Variants in UNC79 observed in about 807,000 individuals in gnomAD.
UNC79 encodes the protein unc-79 subunit of NALCN channel complex.
In UNC79, 37 loss-of-function variants were observed where a neutral mutation model predicts 283.1. That is an observed-to-expected ratio of 0.13 (90% CI 0.10 to 0.17). The LOEUF (loss-of-function observed/expected upper bound fraction) is 0.17. UNC79 is among the 10% of genes least tolerant of loss of function. UNC79 has a pLI of 1.00. For missense variants in UNC79, 2,272 were observed against 3,211.1 expected, an observed-to-expected ratio of 0.71 and a Z score of 7.07; for synonymous variants, 1,107 against 1,200.2, an observed-to-expected ratio of 0.92 and a Z score of 1.61.
intron 22 of UNC79, among the ~76,000 whole-genome samples, chr14:93,589,118 T>G (rs2064464327): frequency 6.6e-6 from 1 of 152,028 alleles, no homozygotes; most frequent in Non-Finnish European, 1.5e-5. Context: ...AACCAAAGAA[T>G]CACCAGCTTT....
Position 93,706,669 on chromosome 14 carries a change from G to T in UNC79, c.7591-35G>T, listed in dbSNP as rs371029025. On this transcript the variant is annotated intron_variant, in intron 48 of 48. Transcript: ENST00000555664. The stretch of plus-strand genomic sequence containing the variant: ...ACACTCCCTGGGTTGCCCGTGAAAA[G>T]AAATAAACTAAAACCTCTTGCCCTT... 17 of 1,611,620 alleles carry T rather than the reference G, an allele frequency of 1.1e-5. No individual in the cohort carries two copies. The African/African-American group carries it at 1.3e-4, about 13-fold the overall frequency.
At chr14:93,657,499 C>G (rs990530517) in intron 38 of UNC79, among the ~76,000 whole-genome samples, 7 of 142,012 alleles carry the variant, frequency 4.9e-5, no homozygotes, top group African/African-American at 1.9e-4. Flanking sequence ...CTACAGGCGC[C>G]CACCACCATG....
intron 35 of UNC79, among the ~76,000 whole-genome samples, chr14:93,651,784 G>T (rs2070290784): frequency 6.6e-6 from 1 of 151,930 alleles, no homozygotes; most frequent in African/African-American, 2.4e-5. Context: ...TTGTTGCCCA[G>T]GCTGGAATGC....
intron 12 of UNC79, among the ~76,000 whole-genome samples, chr14:93,539,467 G>A (rs2061269241): frequency 1.3e-5 from 2 of 151,606 alleles, no homozygotes; most frequent in Admixed American, 6.6e-5. Flanking sequence ...GTTGCAGTGA[G>A]CTGAGATTGC....
At chr14:93,614,090 A>G (rs898830555) in intron 27 of UNC79, among the ~76,000 whole-genome samples, 2 of 151,664 alleles carry the variant, frequency 1.3e-5, no homozygotes, top group African/African-American at 2.4e-5. Flanking sequence ...TCAAGGGAGC[A>G]TGGGAGATTT....
intron 1 of UNC79, among the ~76,000 whole-genome samples, chr14:93,348,808 G>T (rs1382047997): frequency 6.6e-6 from 1 of 152,134 alleles, no homozygotes; most frequent in Admixed American, 6.5e-5. Context: ...TCTCTGTAAT[G>T]GGGACTTAAA....
intron 41 of UNC79, among the ~76,000 whole-genome samples, chr14:93,680,767 C>T (rs1390753308): frequency 6.6e-6 from 1 of 152,066 alleles, no homozygotes. Context: ...TAATTTCCAC[C>T]TCAGCCTCCC....
At chr14:93,367,373 G>C (rs542349716) in intron 1 of UNC79, among the ~76,000 whole-genome samples, 18 of 152,288 alleles carry the variant, frequency 1.2e-4, no homozygotes, top group African/African-American at 4.1e-4. Flanking sequence ...GGTAAAAGTG[G>C]ATGGTAGCCA....
chr14:93,673,917 A>G (rs1458823384), intron 41 of UNC79, among the ~76,000 whole-genome samples: 1 of 152,158 alleles, frequency 6.6e-6, no homozygotes, highest in East Asian at 1.9e-4. Context: ...AAATGGCAGG[A>G]TGCACTGAGT....
intron 29 of UNC79, among the ~76,000 whole-genome samples, chr14:93,618,660 T>G (rs190559673): frequency 3.9e-5 from 6 of 152,342 alleles, no homozygotes; most frequent in Non-Finnish European, 7.4e-5. Context: ...ATCTCGTTTT[T>G]GGGCTATAAA....
intron 1 of UNC79, among the ~76,000 whole-genome samples, chr14:93,368,678 C>T (rs1308901180): frequency 6.6e-6 from 1 of 152,040 alleles, no homozygotes; most frequent in Non-Finnish European, 1.5e-5. Context: ...TGCTATGTTG[C>T]TCATGCTGGT....
In UNC79 at chr14:93,396,137, AT is replaced by A. The variant is rs934378722; in HGVS notation, c.-351+62624del. Among the ~76,000 whole-genome samples, 387 of 138,900 alleles carry A rather than the reference AT, an allele frequency of 2.8e-3. 2 individuals are homozygous for A. Among genetic ancestry groups the A allele is most frequent in the African/African-American group, 8.3e-3 (311 of 37,632 alleles). 91.1% of individuals were successfully genotyped at this position (138,900 alleles called of 152,430 possible). The stretch of plus-strand genomic sequence containing the variant: ...AATCGACCTGTTTTCAAGTTCATTC[AT>A]TTTTTTTTTCTGTCTGCTGAAATCT... On this transcript the variant is annotated intron_variant, in intron 1 of 49. Coordinates refer to the UNC79 transcript ENST00000256339.
intron 1 of UNC79, among the ~76,000 whole-genome samples, chr14:93,407,390 C>A (rs1194763586): frequency 6.6e-6 from 1 of 152,152 alleles, no homozygotes; most frequent in Middle Eastern, 3.2e-3. Context: ...TTGCTGGAGG[C>A]TGAGTGTGGA....
intron 38 of UNC79, among the ~76,000 whole-genome samples, chr14:93,655,992 T>C (rs1311342736): frequency 1.3e-5 from 2 of 152,182 alleles, no homozygotes; most frequent in South Asian, 4.1e-4. Context: ...GGAAGAAACC[T>C]ATAAAGATCA....
At chr14:93,503,071 A>G (rs2059373237) in intron 7 of UNC79, among the ~76,000 whole-genome samples, 1 of 152,150 alleles carries the variant, frequency 6.6e-6, no homozygotes, top group Non-Finnish European at 1.5e-5. Flanking sequence ...ACCTCCTACC[A>G]TATGTTCCCT....
chr14:93,529,181 C>T, intron 9 of UNC79, 105 bp from the exon 10 acceptor site: 1 of 1,113,318 alleles, frequency 9.0e-7, no homozygotes, highest in Non-Finnish European at 1.3e-6. Context: ...ATTATACTTC[C>T]TTTCTATTAA....
chr14:93,619,159 T>C (rs1182483437), intron 29 of UNC79, among the ~76,000 whole-genome samples: 1 of 152,240 alleles, frequency 6.6e-6, no homozygotes, highest in African/African-American at 2.4e-5. Flanking sequence ...TTGTTATTGC[T>C]GAAAGTTCCA....
intron 1 of UNC79, among the ~76,000 whole-genome samples, chr14:93,414,763 C>T (rs1047461448): frequency 6.6e-6 from 1 of 151,932 alleles, no homozygotes; most frequent in Non-Finnish European, 1.5e-5. Context: ...AAGTTGGATC[C>T]CTAGGTATTT....
intron 14 of UNC79, among the ~76,000 whole-genome samples, chr14:93,542,987 A>G (rs11160126): frequency 0.26 from 38,322 of 146,346 alleles, 5,470 homozygotes; most frequent in East Asian, 0.7. Context: ...GGATCTTGCT[A>G]TGTCGCCCAG....
Sources: gnomAD v4.1 joint callset for allele counts (sites outside exome capture counted in the v4.1 genomes callset) on GRCh38, gnomAD v4.1.1 for gene constraint, MANE v1.5 for transcripts, NCBI Gene and HGNC (gene_info 2026-07-23, HGNC 2026-07-21) for gene names.